The following CEMIP variants were observed in gnomAD, a reference collection of about 807,000 sequenced individuals.
CEMIP encodes the protein cell migration-inducing and hyaluronan-binding protein.
CEMIP carries 105 observed loss-of-function variants against 156.9 expected under a neutral mutation model. That is an observed-to-expected ratio of 0.67 (90% confidence interval 0.57 to 0.79). The LOEUF (loss-of-function observed/expected upper bound fraction) is 0.79, where lower values mean the gene tolerates loss of function less well. CEMIP is among the 30% of genes least tolerant of loss of function. The pLI, the probability that CEMIP is intolerant of heterozygous loss-of-function variation, is 0.00. For synonymous variants in CEMIP, 676 were observed against 668.4 expected (o/e 1.01, Z -0.17); for missense variants, 1,457 against 1,769.4 (o/e 0.82, Z 3.17).
At chr15:80,839,866 C>T (rs1416064171) in intron 1 of CEMIP, among the ~76,000 whole-genome samples, 1 of 152,220 alleles carries the variant, frequency 6.6e-6, no homozygotes, top group African/African-American at 2.4e-5. Flanking sequence ...ACACGCCACA[C>T]ACATTTTCTT....
chr15:80,851,838 C>T (rs952207580), intron 1 of CEMIP, among the ~76,000 whole-genome samples: 18 of 151,904 alleles, frequency 1.2e-4, no homozygotes, highest in Non-Finnish European at 1.6e-4. Context: ...TACAGCAACA[C>T]GGGTTTTGGA....
chr15:80,900,668 G>GTGTGTGTGTGTGTATTT (rs1899485475), intron 12 of CEMIP, among the ~76,000 whole-genome samples: 1 of 146,472 alleles, frequency 6.8e-6, no homozygotes, highest in African/African-American at 2.6e-5. Context: ...GTGTCTGTGT[G>GTGTGTGTGTGTGTATTT]TGTGTGTGTA....
chr15:80,802,192 A>G (rs1057382387), intron 1 of CEMIP, among the ~76,000 whole-genome samples: 2 of 152,222 alleles, frequency 1.3e-5, no homozygotes, highest in African/African-American at 4.8e-5. Context: ...AAGGCACAGT[A>G]ACAAGGAGCA....
intron 1 of CEMIP, among the ~76,000 whole-genome samples, chr15:80,855,494 T>C (rs116008140): frequency 0.01 from 1,559 of 152,086 alleles, 34 homozygotes; most frequent in African/African-American, 0.036. Flanking sequence ...AGTTGTGCCT[T>C]CTTTTTTTTT....
At chr15:80,793,397 T>G (rs1605489) in intron 1 of CEMIP, among the ~76,000 whole-genome samples, 7,106 of 152,286 alleles carry the variant, frequency 0.047, 558 homozygotes, top group African/African-American at 0.16. Context: ...AAGTCTTCTG[T>G]GGTGGGTGTT....
chr15:80,789,568 A>AT (rs892934433), intron 1 of CEMIP, among the ~76,000 whole-genome samples: 296 of 140,072 alleles, frequency 2.1e-3, no homozygotes, highest in African/African-American at 5.2e-3. Flanking sequence ...TGCTTAAATG[A>AT]TTTTTTTTTT....
intron 1 of CEMIP, among the ~76,000 whole-genome samples, chr15:80,839,029 T>G (rs1224708445): frequency 6.6e-6 from 1 of 151,994 alleles, no homozygotes; most frequent in East Asian, 1.9e-4. Flanking sequence ...GCAGGCGTCT[T>G]GGTTGGCAGC....
At chr15:80,880,875 T>A (rs377682740) in intron 5 of CEMIP, 25 bp from the exon 6 acceptor site, 47 of 1,596,106 alleles carry the variant, frequency 2.9e-5, no homozygotes, top group Non-Finnish European at 3.9e-5. Flanking sequence ...GTCAGCCAAC[T>A]CTGGGGAGCT....
At chr15:80,892,579 CAT>C (rs1899066950) in intron 10 of CEMIP, among the ~76,000 whole-genome samples, 1 of 152,166 alleles carries the variant, frequency 6.6e-6, no homozygotes, top group African/African-American at 2.4e-5. Flanking sequence ...GTAACAAAAA[CAT>C]ATTCTGAAGC....
intron 1 of CEMIP, among the ~76,000 whole-genome samples, chr15:80,800,008 G>A (rs1174180417): frequency 9.3e-6 from 1 of 107,360 alleles, no homozygotes; most frequent in Non-Finnish European, 1.9e-5. Context: ...ATAACACCAT[G>A]CCAGCTAATT....
chr15:80,794,672 G>C (rs1010956598), intron 1 of CEMIP, among the ~76,000 whole-genome samples: 2 of 152,164 alleles, frequency 1.3e-5, no homozygotes, highest in African/African-American at 4.8e-5. Context: ...AAATTGGTAT[G>C]TATTTTCTGC....
intron 26 of CEMIP, 22 bp downstream of exon 26, chr15:80,942,075 C>A (rs1901360522): frequency 1.2e-6 from 2 of 1,608,674 alleles, no homozygotes; most frequent in Non-Finnish European, 1.7e-6. Flanking sequence ...AGAGCAAAGC[C>A]TAGACCCCTT....
At chr15:80,918,110 A>C (rs1164559892) in intron 14 of CEMIP, among the ~76,000 whole-genome samples, 2 of 152,152 alleles carry the variant, frequency 1.3e-5, no homozygotes, top group African/African-American at 4.8e-5. Flanking sequence ...GCCCATCTCT[A>C]CCAAAAATAC....
chr15:80,939,197 C>G lies in CEMIP; in HGVS notation c.3407+1218C>G, dbSNP rs200355385. Among the ~76,000 whole-genome samples, 3 of 152,316 alleles carry G rather than the reference C, an allele frequency of 2.0e-5. No individual in the cohort carries two copies. In the East Asian group the frequency reaches 5.8e-4, roughly 29 times the overall value. On this transcript the variant is annotated intron_variant, in intron 25 of 29. Transcript: ENST00000394685. ...ATTTTACCTCCTCCGCCCCAGGGAG[C>G]ACTGGGCAATTACAGGCTCCCCACA... is the stretch of plus-strand genomic sequence containing the variant.
At chr15:80,892,781 T>C (rs1398272318) in intron 10 of CEMIP, among the ~76,000 whole-genome samples, 1 of 152,246 alleles carries the variant, frequency 6.6e-6, no homozygotes, top group African/African-American at 2.4e-5. Context: ...AGTGTCTCGT[T>C]TCCTCACAGC....
At position 80,922,059 on chromosome 15, in the gene CEMIP, G is replaced by A. The variant is rs141530918; in HGVS notation, c.2124G>A (p.Val708=). The change falls in exon 17 of 30, where the codon GTG becomes GTA. Residue 708 remains valine, a synonymous_variant. Coordinates refer to ENST00000394685, the MANE Select transcript of CEMIP (RefSeq NM_001293298.2). The stretch of plus-strand genomic sequence containing the variant: ...ACCACGTACCAACGGGCCCCTCCGT[G>A]GGAATGTACTCCCCAGGTTATTCAG... The part of the protein sequence containing the change: ...IFHHVPTGPS[V]GMYSPGYSEH... 6.2e-7 allele frequency: 1 copy of A among 1,614,224 alleles called. No homozygotes were observed. The highest frequency in any genetic ancestry group is 8.5e-7 in the Non-Finnish European group (1 of 1,180,024).
intron 18 of CEMIP, 31 bp downstream of exon 18, chr15:80,924,737 G>A (rs779550112): frequency 6.3e-6 from 10 of 1,591,572 alleles, no homozygotes; most frequent in East Asian, 2.2e-5. Context: ...CACAGTCCAC[G>A]GTGACCTTGC....
rs116709815 is a variant in CEMIP at position 80,917,813 on chromosome 15, C to T, written c.1798-2281C>T. Among the ~76,000 whole-genome samples, 478 of 152,174 alleles carry T rather than the reference C, an allele frequency of 3.1e-3. 7 individuals are homozygous for T. Among genetic ancestry groups the T allele is most frequent in the African/African-American group, 0.011 (444 of 41,528 alleles). The stretch of plus-strand genomic sequence containing the variant: ...CAAATCACTTGCTTTCTCTGAGTCT[C>T]GTTTTCCTCGTCTCTAAAAAAAAAT... On this transcript the variant is annotated intron_variant, in intron 14 of 29. Transcript: ENST00000394685.
chr15:80,889,878 G>A (rs1898977577), intron 10 of CEMIP, among the ~76,000 whole-genome samples: 1 of 152,198 alleles, frequency 6.6e-6, no homozygotes, highest in Non-Finnish European at 1.5e-5. Flanking sequence ...GATGGGTTTG[G>A]ACTCCCCAGC....
Sources: allele counts gnomAD v4.1 joint callset (sites outside exome capture counted in the v4.1 genomes callset), GRCh38; gene constraint gnomAD v4.1.1; transcripts MANE v1.5; gene names NCBI Gene and HGNC (gene_info 2026-07-23, HGNC 2026-07-21).